The following GPHN variants were observed in gnomAD, a reference collection of about 807,000 sequenced individuals.
GPHN encodes the protein gephyrin.
In GPHN, 17 loss-of-function variants were observed where a neutral mutation model predicts 95.5. The observed-to-expected ratio is 0.18, with a 90% CI of 0.12 to 0.27. The LOEUF (loss-of-function observed/expected upper bound fraction) is 0.27. Ranked by LOEUF, GPHN falls within the 10% of genes least tolerant of loss-of-function variation. The pLI, the probability that GPHN is intolerant of heterozygous loss-of-function variation, is 1.00. For synonymous variants in GPHN, 320 were observed against 322.5 expected, an observed-to-expected ratio of 0.99 and a Z score of 0.08; for missense variants, 660 against 978.1, an observed-to-expected ratio of 0.67 and a Z score of 4.34.
At chr14:66,731,687 A>G (rs1337768768) in intron 2 of GPHN, among the ~76,000 whole-genome samples, 3 of 152,164 alleles carry the variant, frequency 2.0e-5, no homozygotes, top group African/African-American at 7.2e-5. Flanking sequence ...CATTGTAGAA[A>G]TTTTCATAAG....
At position 66,665,289 on chromosome 14, in the gene GPHN, C is replaced by G. The variant is rs114684635; in HGVS notation, c.65-15818C>G. Among the ~76,000 whole-genome samples the G allele has an allele frequency of 1.3e-3, 199 of 152,216 alleles. 1 individual carries two copies. The highest frequency in any genetic ancestry group is 3.8e-3 in the African/African-American group (157 of 41,554). ...TCCAAAAAGATAAATCGAGCTTTAT[C>G]TCAAAAAACTGAGTGAACAGGCAAC... On this transcript the variant is annotated intron_variant, in intron 1 of 22. Transcript: ENST00000478722.
At chr14:67,477,565 A>G in the GPHN span, among the ~76,000 whole-genome samples, 1 of 152,120 alleles carries the variant, frequency 6.6e-6, no homozygotes, top group African/African-American at 2.4e-5. Flanking sequence ...TGCTACACCT[A>G]TAGCTCCTGC....
At chr14:67,196,723 A>C in the GPHN span, 1 of 152,110 alleles carries the variant, frequency 6.6e-6, no homozygotes, top group Admixed American at 6.6e-5. Flanking sequence ...TGAGCTATGG[A>C]CTCATGACTC....
the GPHN span, among the ~76,000 whole-genome samples, chr14:67,277,782 G>A: frequency 6.6e-6 from 1 of 152,024 alleles, no homozygotes; most frequent in Admixed American, 6.6e-5. Flanking sequence ...ATTAATGTAA[G>A]TATACATTAA....
intron 2 of GPHN, among the ~76,000 whole-genome samples, chr14:66,687,441 C>T (rs1465957834): frequency 3.3e-5 from 5 of 150,010 alleles, no homozygotes; most frequent in Admixed American, 2.7e-4. Flanking sequence ...CTGTTGGTAG[C>T]ATGTTCATTT....
chr14:66,896,798 C>A (rs999535332), intron 5 of GPHN, among the ~76,000 whole-genome samples: 8 of 150,838 alleles, frequency 5.3e-5, no homozygotes, highest in Non-Finnish European at 1.0e-4. Context: ...GAGAAAAAAA[C>A]AAACAAACAA....
chr14:67,224,218 T>C, the GPHN span, among the ~76,000 whole-genome samples: 70 of 152,086 alleles, frequency 4.6e-4, 1 homozygote, highest in South Asian at 0.014. Context: ...AGGGTCCAGG[T>C]TAAATTTGTC....
At chr14:66,745,405 C>G (rs2058101895) in intron 2 of GPHN, among the ~76,000 whole-genome samples, 1 of 152,058 alleles carries the variant, frequency 6.6e-6, no homozygotes, top group Non-Finnish European at 1.5e-5. Context: ...GTACTCTTAT[C>G]ATATGCTGGA....
At chr14:66,736,561 G>GCT (rs1263327415) in intron 2 of GPHN, among the ~76,000 whole-genome samples, 1 of 151,690 alleles carries the variant, frequency 6.6e-6, no homozygotes, top group African/African-American at 2.4e-5. Context: ...ACCACACCCA[G>GCT]CTAATTTTTT....
the GPHN span, among the ~76,000 whole-genome samples, chr14:67,190,207 G>GCCCA: frequency 1.4e-5 from 2 of 146,658 alleles, no homozygotes; most frequent in Non-Finnish European, 3.0e-5. Flanking sequence ...GAGCCACTGT[G>GCCCA]CCCAGCCTTT....
At chr14:66,598,199 CT>C (rs1434384726) in intron 1 of GPHN, among the ~76,000 whole-genome samples, 1 of 152,034 alleles carries the variant, frequency 6.6e-6, no homozygotes, top group Non-Finnish European at 1.5e-5. Context: ...AATTCAAAGA[CT>C]TGTAAATCAT....
In GPHN at chr14:67,086,910, C is replaced by T. The variant is rs1039090692; in HGVS notation, c.1145-2073C>T. ...AAAATTAGCCAGGTGTGGTGGCGGG[C>T]GCCTGTAGTCCCAGCTACTCGGGAG... is the stretch of plus-strand genomic sequence containing the variant. On this transcript the variant is annotated intron_variant, in intron 11 of 22. Transcript: ENST00000478722. 1.5e-4 allele frequency among the ~76,000 whole-genome samples: 22 copies of T among 150,768 alleles called. No individual in the cohort carries two copies. In the South Asian group the frequency reaches 2.7e-3, roughly 19 times the overall value.
intron 1 of GPHN, among the ~76,000 whole-genome samples, chr14:66,527,821 G>T (rs1192396567): frequency 2.6e-5 from 4 of 152,280 alleles, no homozygotes; most frequent in African/African-American, 9.6e-5. Flanking sequence ...ATTGCACTGT[G>T]GTCTGAAGAC....
chr14:66,674,978 T>A (rs1384597531), intron 1 of GPHN, among the ~76,000 whole-genome samples: 2 of 152,146 alleles, frequency 1.3e-5, no homozygotes, highest in Non-Finnish European at 2.9e-5. Flanking sequence ...CACCAGCATA[T>A]GTTATCTTTG....
intron 1 of GPHN, among the ~76,000 whole-genome samples, chr14:66,622,492 T>C (rs1351257410): frequency 3.3e-5 from 5 of 152,206 alleles, no homozygotes; most frequent in Admixed American, 6.5e-5. Context: ...GAATTTCTCC[T>C]CAGAAAATGG....
At chr14:66,590,524 A>G (rs1297627403) in intron 1 of GPHN, among the ~76,000 whole-genome samples, 1 of 152,216 alleles carries the variant, frequency 6.6e-6, no homozygotes, top group East Asian at 1.9e-4. Flanking sequence ...TGATATAAAC[A>G]TCTCTACTCA....
At chr14:66,599,003 G>A (rs1194622242) in intron 1 of GPHN, among the ~76,000 whole-genome samples, 1 of 152,038 alleles carries the variant, frequency 6.6e-6, no homozygotes, top group East Asian at 1.9e-4. Flanking sequence ...AGAAGCTTTT[G>A]AGTCATGGAT....
At chr14:66,835,557 A>AC (rs1404715763) in intron 4 of GPHN, among the ~76,000 whole-genome samples, 1 of 151,680 alleles carries the variant, frequency 6.6e-6, no homozygotes, top group African/African-American at 2.4e-5. Context: ...GCCCTCTCTC[A>AC]CCACTCCTAT....
the GPHN span, among the ~76,000 whole-genome samples, chr14:67,277,040 C>T: frequency 6.6e-6 from 1 of 152,100 alleles, no homozygotes; most frequent in Non-Finnish European, 1.5e-5. Context: ...TAAATCCACT[C>T]CTGGATTTTT....
Sources: allele counts gnomAD v4.1 joint callset (sites outside exome capture counted in the v4.1 genomes callset), GRCh38; gene constraint gnomAD v4.1.1; transcripts MANE v1.5; gene names NCBI Gene and HGNC (gene_info 2026-07-23, HGNC 2026-07-21).